Variants in UBR3 observed in about 807,000 individuals in gnomAD.
UBR3 encodes the protein E3 ubiquitin-protein ligase UBR3.
Under a neutral mutation model 243.2 loss-of-function variants are expected in UBR3, and 85 were observed. That is an observed-to-expected ratio of 0.35 (90% CI 0.29 to 0.42). The LOEUF is 0.42. UBR3 is among the 10% of genes least tolerant of loss of function. UBR3 has a pLI of 1.00. For missense variants in UBR3, 1,686 were observed against 2,300.8 expected (o/e 0.73, Z 5.47); for synonymous variants, 748 against 799.8 (o/e 0.94, Z 1.09).
chr2:170,034,111 CT>C (rs2090761606), intron 31 of UBR3, among the ~76,000 whole-genome samples: 1 of 151,640 alleles, frequency 6.6e-6, no homozygotes, highest in Admixed American at 6.6e-5. Context: ...GATACATAGC[CT>C]TTCCCATTAT....
At chr2:169,909,743 A>G (rs576795960) in intron 10 of UBR3, among the ~76,000 whole-genome samples, 63 of 150,022 alleles carry the variant, frequency 4.2e-4, no homozygotes, top group East Asian at 3.2e-3. Context: ...GTGTGTGTGT[A>G]TATATATATA....
chr2:169,903,867 A>G (rs1292159154), intron 8 of UBR3, among the ~76,000 whole-genome samples: 1 of 152,124 alleles, frequency 6.6e-6, no homozygotes, highest in Non-Finnish European at 1.5e-5. Context: ...GAAAAAATAT[A>G]TATATACCTT....
Position 170,000,943 on chromosome 2 carries a change from TG to T in UBR3, c.3919-360del, listed in dbSNP as rs1289064239. 7.9e-5 allele frequency among the ~76,000 whole-genome samples: 12 copies of T among 152,302 alleles called. No homozygotes were observed. The East Asian group carries it at 2.3e-3, about 29-fold the overall frequency. On this transcript the variant is annotated intron_variant, in intron 26 of 38. Coordinates refer to ENST00000272793, the MANE Select transcript of UBR3 (RefSeq NM_172070.4). Reference sequence around the variant, plus strand: ...GGCGTTTCAAGAAGTAAGTTGTTAATGTCAGAAATCATAGAGAGATTCAGTA... The same window carrying T: ...GGCGTTTCAAGAAGTAAGTTGTTAATTCAGAAATCATAGAGAGATTCAGTA...
intron 24 of UBR3, among the ~76,000 whole-genome samples, chr2:169,959,621 G>T (rs1559134819): frequency 6.6e-6 from 1 of 152,138 alleles, no homozygotes. Context: ...TTACTAGGGA[G>T]AATTGGCTTA....
chr2:169,964,425 CAATT>C (rs2087717069), intron 24 of UBR3: 1 of 470,078 alleles, frequency 2.1e-6, no homozygotes, highest in South Asian at 1.6e-5. Flanking sequence ...TCTGAGGAAT[CAATT>C]AAGCAACGTA....
rs149965949 is a variant in UBR3, at chr2:170,044,007, A to C, written c.4660+3022A>C. Among the ~76,000 whole-genome samples the C allele has an allele frequency of 2.9e-3, 447 of 152,274 alleles. 2 individuals are homozygous for C. Among genetic ancestry groups the C allele is most frequent in the African/African-American group, 0.01 (422 of 41,560 alleles). ...GTCTTTCACACTTTGAGAACTGGATAGAGGCCTTTAATTCCTAGGAAGTTC... is the reference window on the plus strand; with the variant it reads ...GTCTTTCACACTTTGAGAACTGGATCGAGGCCTTTAATTCCTAGGAAGTTC... On this transcript the variant is annotated intron_variant, in intron 32 of 38. Coordinates refer to ENST00000272793, the MANE Select transcript of UBR3 (RefSeq NM_172070.4).
chr2:169,989,619 TTCA>T (rs1484743500), intron 25 of UBR3, among the ~76,000 whole-genome samples: 2 of 152,196 alleles, frequency 1.3e-5, no homozygotes, highest in Non-Finnish European at 2.9e-5. Context: ...GAAATTTCAC[TTCA>T]TCACCTATTT....
chr2:169,876,531 T>TTATTG (rs71006049), intron 3 of UBR3, among the ~76,000 whole-genome samples: 12,004 of 147,278 alleles, frequency 0.082, 781 homozygotes, highest in African/African-American at 0.16. Context: ...CTGCCTCTCT[T>TTATTG]TATTGTATTG....
intron 24 of UBR3, among the ~76,000 whole-genome samples, chr2:169,962,497 T>C (rs1275009937): frequency 6.6e-6 from 1 of 152,202 alleles, no homozygotes; most frequent in Non-Finnish European, 1.5e-5. Context: ...ATAATTCTTT[T>C]TAAGCCACTG....
At chr2:170,052,398 A>G (rs530637276) in intron 32 of UBR3, among the ~76,000 whole-genome samples, 53 of 152,144 alleles carry the variant, frequency 3.5e-4, no homozygotes, top group Non-Finnish European at 6.3e-4. Flanking sequence ...TCTGCACTCC[A>G]CTCCCATGTT....
intron 11 of UBR3, among the ~76,000 whole-genome samples, 187 bp from the exon 12 acceptor site, chr2:169,923,742 C>T (rs978985958): frequency 6.6e-6 from 1 of 152,124 alleles, no homozygotes; most frequent in Non-Finnish European, 1.5e-5. Context: ...GAAACTTATA[C>T]TTAAGTGTTT....
intron 26 of UBR3, among the ~76,000 whole-genome samples, chr2:170,000,081 G>A (rs1238144440): frequency 6.6e-6 from 1 of 151,378 alleles, no homozygotes; most frequent in Non-Finnish European, 1.5e-5. Flanking sequence ...AGCCGAGATT[G>A]CGCCATCGCA....
intron 27 of UBR3, among the ~76,000 whole-genome samples, chr2:170,004,577 G>A (rs1327451537): frequency 6.6e-6 from 1 of 152,124 alleles, no homozygotes; most frequent in Non-Finnish European, 1.5e-5. Flanking sequence ...GCAGGGGTGG[G>A]GAAGGTGAGT....
intron 10 of UBR3, among the ~76,000 whole-genome samples, chr2:169,906,575 A>G (rs1337466892): frequency 6.6e-6 from 1 of 151,948 alleles, no homozygotes. Flanking sequence ...TATTATAAGC[A>G]TTGGTTTGAT....
At chr2:169,927,285 C>T in intron 16 of UBR3, 35 bp from the exon 17 acceptor site, 6 of 1,510,188 alleles carry the variant, frequency 4.0e-6, no homozygotes, top group Non-Finnish European at 5.4e-6. Context: ...TTTATGTATA[C>T]TCAGATTTGT....
intron 3 of UBR3, 138 bp downstream of exon 3, chr2:169,876,087 T>TC: frequency 1.7e-6 from 1 of 600,476 alleles, no homozygotes; most frequent in East Asian, 4.6e-5. Context: ...AGAACTTCTT[T>TC]TTTTTTTTTT....
chr2:169,943,795 A>T (rs538526099), intron 20 of UBR3, among the ~76,000 whole-genome samples: 1 of 152,204 alleles, frequency 6.6e-6, no homozygotes, highest in Non-Finnish European at 1.5e-5. Context: ...CAAATTTCCA[A>T]TTACTATGTA....
At chr2:169,931,064 G>A (rs780470030) in intron 18 of UBR3, among the ~76,000 whole-genome samples, 3 of 152,074 alleles carry the variant, frequency 2.0e-5, no homozygotes, top group African/African-American at 7.2e-5. Context: ...AGAGAAGGAC[G>A]ATCAAGGCCG....
At chr2:169,861,063 C>G (rs1373584098) in intron 1 of UBR3, among the ~76,000 whole-genome samples, 1 of 152,196 alleles carries the variant, frequency 6.6e-6, no homozygotes, top group Non-Finnish European at 1.5e-5. Context: ...CTCAGCAAGT[C>G]TGGTCTTACA....
Sources: allele counts gnomAD v4.1 joint callset (sites outside exome capture counted in the v4.1 genomes callset), GRCh38; gene constraint gnomAD v4.1.1; transcripts MANE v1.5; gene names NCBI Gene and HGNC (gene_info 2026-07-23, HGNC 2026-07-21).